Variants in DPYD observed in about 807,000 individuals in gnomAD.
DPYD encodes the protein dihydropyrimidine dehydrogenase [NADP(+)].
In DPYD, 109 loss-of-function variants were observed where a neutral mutation model predicts 116.2. That is an observed-to-expected ratio of 0.94 (90% CI 0.80 to 1.10). The LOEUF (loss-of-function observed/expected upper bound fraction) is 1.10. DPYD is among the 50% of genes least tolerant of loss of function. The pLI, the probability that DPYD is intolerant of heterozygous loss-of-function variation, is 0.00. For missense variants in DPYD, 1,302 were observed against 1,254.5 expected (o/e 1.04, Z -0.57); for synonymous variants, 440 against 432.0 (o/e 1.02, Z -0.23).
chr1:97,599,418 A>G (rs930537841), intron 8 of DPYD, among the ~76,000 whole-genome samples: 2 of 151,330 alleles, frequency 1.3e-5, no homozygotes, highest in African/African-American at 4.9e-5. Context: ...TCTAGGAAGT[A>G]ATAAGAGAAA....
At chr1:97,470,471 T>C (rs980924654) in intron 13 of DPYD, among the ~76,000 whole-genome samples, 3 of 152,106 alleles carry the variant, frequency 2.0e-5, no homozygotes, top group African/African-American at 4.8e-5. Context: ...TGGTCTTCCA[T>C]GAATTAACAT....
intron 18 of DPYD, among the ~76,000 whole-genome samples, chr1:97,240,942 G>A (rs2100771538): frequency 6.6e-6 from 1 of 152,084 alleles, no homozygotes; most frequent in East Asian, 1.9e-4. Context: ...AATTCAATCA[G>A]AAACTGAAGT....
chr1:97,490,313 T>C (rs563682392), intron 13 of DPYD, among the ~76,000 whole-genome samples: 4 of 148,516 alleles, frequency 2.7e-5, no homozygotes, highest in Non-Finnish European at 3.0e-5. Flanking sequence ...CTACTACTAA[T>C]ATAATATAGA....
intron 12 of DPYD, among the ~76,000 whole-genome samples, chr1:97,517,849 C>T (rs941295840): frequency 2.0e-5 from 3 of 152,074 alleles, no homozygotes; most frequent in Non-Finnish European, 1.5e-5. Flanking sequence ...CTGTACTTTA[C>T]AAGGTGAAAT....
intron 2 of DPYD, among the ~76,000 whole-genome samples, chr1:97,843,695 A>C (rs6658412): frequency 0.73 from 111,344 of 151,990 alleles, 41,210 homozygotes; most frequent in East Asian, 0.93. Flanking sequence ...TACTCTAAAC[A>C]CTCCATAATT....
intron 5 of DPYD, chr1:97,700,109 G>C: frequency 2.5e-6 from 1 of 396,008 alleles, no homozygotes; most frequent in South Asian, 1.9e-5. Context: ...ATCTTGGAAG[G>C]GCTAACATCT....
intron 21 of DPYD, among the ~76,000 whole-genome samples, chr1:97,094,945 C>T (rs1467836524): frequency 6.6e-6 from 1 of 152,078 alleles, no homozygotes; most frequent in Non-Finnish European, 1.5e-5. Flanking sequence ...CTTCCCCTAC[C>T]TCTTCCATGA....
intron 19 of DPYD, among the ~76,000 whole-genome samples, chr1:97,220,807 A>G (rs1325846234): frequency 6.6e-6 from 1 of 152,190 alleles, no homozygotes; most frequent in Non-Finnish European, 1.5e-5. Flanking sequence ...GTACCCAAGA[A>G]TAGAACCTTA....
chr1:97,759,074 G>A (rs1034103131), intron 3 of DPYD, among the ~76,000 whole-genome samples: 3 of 152,104 alleles, frequency 2.0e-5, no homozygotes, highest in Non-Finnish European at 4.4e-5. Flanking sequence ...GTTTGCTGGT[G>A]TTCATGCCCA....
At chr1:97,758,730 A>G (rs1665405255) in intron 3 of DPYD, among the ~76,000 whole-genome samples, 1 of 152,188 alleles carries the variant, frequency 6.6e-6, no homozygotes, top group African/African-American at 2.4e-5. Context: ...TTTGAGAATC[A>G]GGCACTGACC....
chr1:97,679,173 C>T lies in DPYD; in HGVS notation c.772G>A (p.Gly258Ser), dbSNP rs141726921. ...ATTTCATTCACTGAAAGGCTTTTAC[C>T]GCAAATTATCTATAAGAAACAATAT... is the stretch of plus-strand genomic sequence containing the variant. ...MKDLGVKIIC[G>S]KSLSVNEMTL... The change falls in exon 8 of 23, where the codon GGT (glycine) becomes AGT (serine). Residue 258 changes from glycine to serine, a missense_variant. Gly to Ser is a moderately conservative substitution (Grantham distance 56). Coordinates refer to ENST00000370192, the MANE Select transcript of DPYD (RefSeq NM_000110.4). 9.1e-5 allele frequency: 141 copies of T among 1,556,944 alleles called. 1 individual carries two copies. Among genetic ancestry groups the T allele is most frequent in the Admixed American group, 1.6e-4 (9 of 57,942 alleles).
intron 21 of DPYD, among the ~76,000 whole-genome samples, chr1:97,092,993 TA>T (rs1318459731): frequency 6.6e-6 from 1 of 152,130 alleles, no homozygotes; most frequent in East Asian, 1.9e-4. Context: ...ATACCTGAAA[TA>T]TTCTCAGTTC....
intron 8 of DPYD, among the ~76,000 whole-genome samples, chr1:97,662,090 T>A (rs1193720136): frequency 7.1e-6 from 1 of 140,874 alleles, no homozygotes; most frequent in Non-Finnish European, 1.5e-5. Context: ...AACCTCCGCC[T>A]CCCAGGTTCA....
intron 19 of DPYD, among the ~76,000 whole-genome samples, chr1:97,203,793 C>CAAAAAAAAAAAAAAA (rs56819543): frequency 9.1e-5 from 6 of 65,714 alleles, no homozygotes; most frequent in South Asian, 4.7e-4. Flanking sequence ...ATTCACATTC[C>CAAAAAAAAAAAAAAA]AAAAAAAAAA....
At chr1:97,567,257 A>G (rs544035813) in intron 11 of DPYD, among the ~76,000 whole-genome samples, 10 of 152,108 alleles carry the variant, frequency 6.6e-5, no homozygotes, top group Non-Finnish European at 1.5e-4. Context: ...GATTTACCCC[A>G]TGAGGCTTTC....
At chr1:97,102,375 T>C (rs11165782) in intron 20 of DPYD, among the ~76,000 whole-genome samples, 15,305 of 123,194 alleles carry the variant, frequency 0.12, 1,320 homozygotes, top group African/African-American at 0.25. Context: ...CCGGCTTATA[T>C]CAGAATATAT....
chr1:97,477,230 T>C (rs1678015829), intron 13 of DPYD, among the ~76,000 whole-genome samples: 1 of 152,230 alleles, frequency 6.6e-6, no homozygotes, highest in Non-Finnish European at 1.5e-5. Flanking sequence ...ATTTCAACAA[T>C]GTTCACAGCA....
chr1:97,416,471 C>T (rs1290003449), intron 14 of DPYD, among the ~76,000 whole-genome samples: 3 of 152,168 alleles, frequency 2.0e-5, no homozygotes, highest in African/African-American at 4.8e-5. Flanking sequence ...GTTTGGACTT[C>T]TCTCATTTTT....
intron 8 of DPYD, among the ~76,000 whole-genome samples, chr1:97,620,900 T>C (rs918639287): frequency 6.6e-6 from 1 of 152,174 alleles, no homozygotes; most frequent in Non-Finnish European, 1.5e-5. Flanking sequence ...GATAATTAGA[T>C]AATGCTTTCA....
Sources: gnomAD v4.1 joint callset for allele counts (sites outside exome capture counted in the v4.1 genomes callset) on GRCh38, gnomAD v4.1.1 for gene constraint, MANE v1.5 for transcripts, NCBI Gene and HGNC (gene_info 2026-07-23, HGNC 2026-07-21) for gene names.